The following TENM2 variants were observed in gnomAD, a reference collection of about 807,000 sequenced individuals.
TENM2 encodes teneurin-2.
A neutral mutation model predicts 245.2 loss-of-function variants in TENM2; 52 were observed. The observed-to-expected ratio is 0.21, with a 90% CI of 0.17 to 0.27. The LOEUF (loss-of-function observed/expected upper bound fraction) is 0.27, where lower values mean the gene tolerates loss of function less well. Ranked by LOEUF, TENM2 falls within the 10% of genes least tolerant of loss-of-function variation. The probability of loss-of-function intolerance (pLI) is 1.00; values close to 1 mark genes in which losing one functional copy is unlikely to be tolerated. For synonymous variants in TENM2, 1,363 were observed against 1,438.9 expected (o/e 0.95, Z 1.19); for missense variants, 3,046 against 3,666.8 (o/e 0.83, Z 4.37).
At chr5:167,365,355 T>A (rs1195172302) in intron 1 of TENM2, among the ~76,000 whole-genome samples, 3 of 151,450 alleles carry the variant, frequency 2.0e-5, no homozygotes, top group Non-Finnish European at 4.4e-5. Context: ...TGGTCTACAT[T>A]TCTACCGCAA....
chr5:167,624,792 G>C (rs752681467), intron 2 of TENM2, among the ~76,000 whole-genome samples: 1 of 152,026 alleles, frequency 6.6e-6, no homozygotes, highest in Non-Finnish European at 1.5e-5. Context: ...TTAACTTAAG[G>C]CTTCATAACA....
chr5:167,821,449 A>G (rs1474536190), intron 2 of TENM2, among the ~76,000 whole-genome samples: 2 of 152,178 alleles, frequency 1.3e-5, no homozygotes, highest in Admixed American at 1.3e-4. Context: ...TTGATTGGGA[A>G]GGAAGGCTTT....
intron 25 of TENM2, chr5:168,240,953 C>A (rs1448331360): frequency 6.6e-6 from 1 of 152,170 alleles, no homozygotes. Context: ...CCAGATGAAC[C>A]AACCCGATGT....
At chr5:167,227,138 A>G in the TENM2 span, among the ~76,000 whole-genome samples, 2 of 151,758 alleles carry the variant, frequency 1.3e-5, no homozygotes, top group Non-Finnish European at 2.9e-5. Context: ...CAGCGAGTCT[A>G]TATCTTTTAA....
At chr5:167,509,983 G>GCTATCATC (rs1769825746) in intron 2 of TENM2, among the ~76,000 whole-genome samples, 2 of 152,104 alleles carry the variant, frequency 1.3e-5, no homozygotes, top group Admixed American at 1.3e-4. Context: ...ATGATATGTA[G>GCTATCATC]CTATCATCTT....
intron 2 of TENM2, among the ~76,000 whole-genome samples, chr5:167,745,013 GTC>G (rs1761460338): frequency 6.6e-6 from 1 of 152,074 alleles, no homozygotes; most frequent in Non-Finnish European, 1.5e-5. Flanking sequence ...AACATCACCT[GTC>G]TCTCTTTGAA....
chr5:167,566,379 A>G (rs1773909210), intron 2 of TENM2, among the ~76,000 whole-genome samples: 1 of 152,182 alleles, frequency 6.6e-6, no homozygotes, highest in Non-Finnish European at 1.5e-5. Context: ...ATTTTAGTGC[A>G]TATCTCTTCC....
At chr5:168,060,979 A>AG (rs1305702869) in intron 6 of TENM2, among the ~76,000 whole-genome samples, 2 of 152,148 alleles carry the variant, frequency 1.3e-5, no homozygotes, top group African/African-American at 4.8e-5. Flanking sequence ...CAGAATGTCG[A>AG]GGGGAGCATC....
At chr5:167,657,136 C>G (rs1754896877) in intron 2 of TENM2, among the ~76,000 whole-genome samples, 1 of 152,100 alleles carries the variant, frequency 6.6e-6, no homozygotes, top group Non-Finnish European at 1.5e-5. Context: ...TTCCCAGCCT[C>G]TGGTATTCTC....
intron 3 of TENM2, among the ~76,000 whole-genome samples, chr5:167,945,293 A>C (rs372617958): frequency 3.6e-4 from 55 of 151,974 alleles, no homozygotes; most frequent in African/African-American, 1.3e-3. Context: ...TTACAAAAGA[A>C]ATATAAGCAG....
At chr5:168,242,782 G>C (rs760076392) in intron 25 of TENM2, among the ~76,000 whole-genome samples, 68 of 151,958 alleles carry the variant, frequency 4.5e-4, no homozygotes, top group Non-Finnish European at 7.6e-4. Flanking sequence ...GTGAAACCTC[G>C]TCTCTACTAA....
chr5:167,380,797 C>T (rs990915091), intron 2 of TENM2, among the ~76,000 whole-genome samples: 3 of 152,048 alleles, frequency 2.0e-5, no homozygotes, highest in Non-Finnish European at 4.4e-5. Flanking sequence ...CTTTTTACTG[C>T]GAAGGCAGTA....
At chr5:167,352,464 A>G (rs1758978807) in intron 1 of TENM2, among the ~76,000 whole-genome samples, 2 of 152,212 alleles carry the variant, frequency 1.3e-5, no homozygotes, top group African/African-American at 2.4e-5. Context: ...TCTTCAATCT[A>G]TTTTGCATAG....
chr5:167,514,520 A>G (rs917144985), intron 2 of TENM2, among the ~76,000 whole-genome samples: 1 of 152,208 alleles, frequency 6.6e-6, no homozygotes, highest in African/African-American at 2.4e-5. Flanking sequence ...GGATCCTCAT[A>G]AAAATAAATG....
Position 167,881,155 on chromosome 5 carries a change from G to A in TENM2, c.712+4960G>A, listed in dbSNP as rs1220422424. 2.6e-5 allele frequency among the ~76,000 whole-genome samples: 4 copies of A among 152,154 alleles called. No homozygotes were observed. The East Asian group carries it at 7.7e-4, about 29-fold the overall frequency. ...GTTTTAGAAAGAAATTTTTCTCTGA[G>A]ATATTGTAAATTTTCTTGCCTCCCT... is the stretch of plus-strand genomic sequence containing the variant. On this transcript the variant is annotated intron_variant, in intron 3 of 28. Coordinates refer to ENST00000518659, the Ensembl canonical transcript of TENM2.
At chr5:167,199,271 G>A in the TENM2 span, among the ~76,000 whole-genome samples, 2 of 152,036 alleles carry the variant, frequency 1.3e-5, no homozygotes, top group African/African-American at 2.4e-5. Context: ...ATAAAGATGT[G>A]TGAGTACTTT....
intron 2 of TENM2, among the ~76,000 whole-genome samples, chr5:167,434,217 C>T (rs1357074685): frequency 2.0e-5 from 3 of 151,642 alleles, no homozygotes; most frequent in Non-Finnish European, 4.4e-5. Flanking sequence ...GTCAGGAGTT[C>T]GAGACCAGCC....
At chr5:167,201,672 A>T in the TENM2 span, among the ~76,000 whole-genome samples, 10 of 152,050 alleles carry the variant, frequency 6.6e-5, no homozygotes, top group African/African-American at 2.4e-4. Context: ...CTTCATTTTG[A>T]GCTTGTGATT....
intron 3 of TENM2, among the ~76,000 whole-genome samples, chr5:167,900,885 G>A (rs1775647527): frequency 6.6e-6 from 1 of 151,338 alleles, no homozygotes; most frequent in Admixed American, 6.6e-5. Flanking sequence ...ACCACCTGGG[G>A]GACTTTTCTG....
Sources: gnomAD v4.1 joint callset for allele counts (sites outside exome capture counted in the v4.1 genomes callset) on GRCh38, gnomAD v4.1.1 for gene constraint, MANE v1.5 for transcripts, NCBI Gene and HGNC (gene_info 2026-07-23, HGNC 2026-07-21) for gene names.